The following FAM135B variants were observed in gnomAD, a reference collection of about 807,000 sequenced individuals.
The protein encoded by FAM135B is protein FAM135B.
A neutral mutation model predicts 127.7 loss-of-function variants in FAM135B; 43 were observed. The observed-to-expected ratio is 0.34, with a 90% CI of 0.26 to 0.43. FAM135B has a LOEUF of 0.43. FAM135B is among the 20% of genes least tolerant of loss of function. FAM135B has a pLI of 1.00. For synonymous variants in FAM135B, 670 were observed against 665.1 expected, an observed-to-expected ratio of 1.01 and a Z score of -0.11; for missense variants, 1,558 against 1,725.6, an observed-to-expected ratio of 0.90 and a Z score of 1.72.
intron 1 of FAM135B, among the ~76,000 whole-genome samples, chr8:138,378,638 A>AC (rs1195208933): frequency 6.6e-6 from 1 of 152,056 alleles, no homozygotes; most frequent in African/African-American, 2.4e-5. Flanking sequence ...ACCCTCACCT[A>AC]CCATAGAAAA....
At chr8:138,420,104 T>C (rs1191829215) in intron 1 of FAM135B, among the ~76,000 whole-genome samples, 1 of 151,450 alleles carries the variant, frequency 6.6e-6, no homozygotes, top group African/African-American at 2.4e-5. Flanking sequence ...ACTGGACTAA[T>C]AAAGAAAAAA....
intron 2 of FAM135B, among the ~76,000 whole-genome samples, chr8:138,313,858 C>T (rs977598478): frequency 1.3e-5 from 2 of 150,828 alleles, no homozygotes; most frequent in Non-Finnish European, 2.9e-5. Context: ...CTCACAGCAC[C>T]TTTGTGGTCA....
chr8:138,176,009 C>T (rs1814430448), intron 11 of FAM135B, among the ~76,000 whole-genome samples: 1 of 152,182 alleles, frequency 6.6e-6, no homozygotes, highest in African/African-American at 2.4e-5. Context: ...CTGTCTTACC[C>T]ACTGTGTGGA....
At chr8:138,476,485 T>C (rs1228185300) in intron 1 of FAM135B, among the ~76,000 whole-genome samples, 1 of 151,618 alleles carries the variant, frequency 6.6e-6, no homozygotes, top group Non-Finnish European at 1.5e-5. Context: ...CTCTATTTTT[T>C]TTTTTTCAAT....
chr8:138,223,774 A>C (rs1586816833), intron 7 of FAM135B, among the ~76,000 whole-genome samples: 1 of 152,222 alleles, frequency 6.6e-6, no homozygotes, highest in African/African-American at 2.4e-5. Context: ...GAGCAAAGAC[A>C]CGGAATCAAC....
At chr8:138,345,388 A>T (rs1829341347) in intron 2 of FAM135B, among the ~76,000 whole-genome samples, 1 of 152,220 alleles carries the variant, frequency 6.6e-6, no homozygotes, top group African/African-American at 2.4e-5. Flanking sequence ...TTGGCGAGAG[A>T]ACACTGCAGA....
At chr8:138,278,763 C>A (rs1824037261) in intron 3 of FAM135B, among the ~76,000 whole-genome samples, 1 of 151,676 alleles carries the variant, frequency 6.6e-6, no homozygotes, top group Non-Finnish European at 1.5e-5. Context: ...GGGGTTTCGC[C>A]ACGTTGGCCA....
upstream of FAM135B, among the ~76,000 whole-genome samples, chr8:138,497,662 C>T (rs1375331968): frequency 6.6e-6 from 1 of 152,154 alleles, no homozygotes; most frequent in Admixed American, 6.5e-5. Flanking sequence ...TTCAACCAGC[C>T]AGCCGGCCCG....
At chr8:138,200,776 A>T (rs1022027218) in intron 7 of FAM135B, among the ~76,000 whole-genome samples, 9 of 152,330 alleles carry the variant, frequency 5.9e-5, no homozygotes, top group African/African-American at 2.2e-4. Context: ...TGCTCTGGAC[A>T]TTTCTCTGTT....
At chr8:138,405,630 T>G (rs1184349872) in intron 1 of FAM135B, among the ~76,000 whole-genome samples, 1 of 152,146 alleles carries the variant, frequency 6.6e-6, no homozygotes, top group Non-Finnish European at 1.5e-5. Flanking sequence ...ACATTTGGGT[T>G]GGTTCCAAAT....
intron 1 of FAM135B, among the ~76,000 whole-genome samples, chr8:138,430,002 G>A (rs1350980440): frequency 2.0e-5 from 3 of 152,128 alleles, no homozygotes; most frequent in African/African-American, 7.2e-5. Flanking sequence ...TTTCTACTAT[G>A]CCGAGTTTCT....
At chr8:138,187,852 C>T (rs1815724675) in intron 9 of FAM135B, among the ~76,000 whole-genome samples, 1 of 152,138 alleles carries the variant, frequency 6.6e-6, no homozygotes, top group Non-Finnish European at 1.5e-5. Flanking sequence ...GGACTTTGAG[C>T]CCGGCCCCGA....
chr8:138,192,373 C>A (rs1816208844), intron 9 of FAM135B, among the ~76,000 whole-genome samples: 1 of 152,222 alleles, frequency 6.6e-6, no homozygotes. Flanking sequence ...CACAAACCCC[C>A]TTCTTGCCTG....
chr8:138,458,547 G>C (rs1836933293), intron 1 of FAM135B, among the ~76,000 whole-genome samples: 3 of 152,170 alleles, frequency 2.0e-5, no homozygotes. Context: ...GACCAAAAGA[G>C]AGTACATGTG....
At chr8:138,289,686 G>C (rs1451837876) in intron 3 of FAM135B, among the ~76,000 whole-genome samples, 2 of 152,112 alleles carry the variant, frequency 1.3e-5, no homozygotes, top group Admixed American at 6.5e-5. Context: ...TTTTGCCCCA[G>C]TTATGTCTTA....
chr8:138,229,449 C>A (rs1819741461), intron 7 of FAM135B, among the ~76,000 whole-genome samples: 1 of 152,120 alleles, frequency 6.6e-6, no homozygotes, highest in Non-Finnish European at 1.5e-5. Context: ...GGCGCCTTTC[C>A]CCAGAGACCC....
chr8:138,447,144 G>A (rs2131574670), intron 1 of FAM135B, among the ~76,000 whole-genome samples: 1 of 152,146 alleles, frequency 6.6e-6, no homozygotes, highest in South Asian at 2.1e-4. Context: ...TCATTAAAAA[G>A]TCAGGAAACA....
At chr8:138,204,250 A>G (rs1277092256) in intron 7 of FAM135B, among the ~76,000 whole-genome samples, 1 of 152,114 alleles carries the variant, frequency 6.6e-6, no homozygotes, top group African/African-American at 2.4e-5. Flanking sequence ...GCCGTTGGAA[A>G]TGTCTTTCTG....
chr8:138,192,817 C>T (rs1816257647), intron 9 of FAM135B, among the ~76,000 whole-genome samples: 1 of 152,212 alleles, frequency 6.6e-6, no homozygotes, highest in African/African-American at 2.4e-5. Context: ...TACTCTTTCT[C>T]TATTGCTATC....
Sources: allele counts gnomAD v4.1 joint callset (sites outside exome capture counted in the v4.1 genomes callset), GRCh38; gene constraint gnomAD v4.1.1; transcripts MANE v1.5; gene names NCBI Gene and HGNC (gene_info 2026-07-23, HGNC 2026-07-21).